The following SGK3 variants were observed in gnomAD, a reference collection of about 807,000 sequenced individuals.
SGK3 encodes the protein serine/threonine-protein kinase Sgk3.
A neutral mutation model predicts 68.5 loss-of-function variants in SGK3; 47 were observed. The ratio of observed to expected loss-of-function variants is 0.69; its 90% CI spans 0.54 to 0.87. The LOEUF is 0.87. Ranked by LOEUF, SGK3 falls within the 40% of genes least tolerant of loss-of-function variation. The pLI is 0.00. For synonymous variants in SGK3, 181 were observed against 189.1 expected, an observed-to-expected ratio of 0.96 and a Z score of 0.35; for missense variants, 479 against 575.5, an observed-to-expected ratio of 0.83 and a Z score of 1.72.
chr8:66,808,257 A>AC (rs1257796535), intron 4 of SGK3, among the ~76,000 whole-genome samples: 1 of 152,200 alleles, frequency 6.6e-6, no homozygotes, highest in Non-Finnish European at 1.5e-5. Context: ...GCCTCTAACA[A>AC]CTGAAAATAA....
At chr8:66,716,713 A>G (rs1042206180) in intron 1 of SGK3, among the ~76,000 whole-genome samples, 2 of 152,192 alleles carry the variant, frequency 1.3e-5, no homozygotes, top group African/African-American at 4.8e-5. Flanking sequence ...TGTGCAGTGC[A>G]GCTGTGCTTC....
chr8:66,772,655 G>A (rs1452601697), intron 1 of SGK3, among the ~76,000 whole-genome samples: 2 of 151,792 alleles, frequency 1.3e-5, no homozygotes, highest in African/African-American at 2.4e-5. Flanking sequence ...CTGCCTCCCG[G>A]GTTCACGCCA....
intron 1 of SGK3, among the ~76,000 whole-genome samples, chr8:66,736,437 C>T (rs1805316898): frequency 6.6e-6 from 1 of 151,852 alleles, no homozygotes; most frequent in Admixed American, 6.6e-5. Flanking sequence ...AGTTGGTGCT[C>T]AATAAATGTC....
intron 1 of SGK3, among the ~76,000 whole-genome samples, chr8:66,789,994 C>T (rs1807370956): frequency 6.6e-6 from 1 of 152,052 alleles, no homozygotes; most frequent in Non-Finnish European, 1.5e-5. Context: ...GAGAGGATTG[C>T]TTGAACCCTG....
intron 3 of SGK3, among the ~76,000 whole-genome samples, chr8:66,803,034 C>T (rs1211374340): frequency 5.9e-5 from 9 of 152,154 alleles, no homozygotes; most frequent in Non-Finnish European, 1.2e-4. Context: ...ATTACCACAT[C>T]TAAAAATAAA....
chr8:66,797,960 A>G (rs1807766697), intron 2 of SGK3, among the ~76,000 whole-genome samples: 1 of 152,144 alleles, frequency 6.6e-6, no homozygotes, highest in Non-Finnish European at 1.5e-5. Context: ...GAAAAATAAA[A>G]TATCACCTAT....
At chr8:66,855,508 C>T (rs1810476318) in intron 16 of SGK3, among the ~76,000 whole-genome samples, 1 of 152,072 alleles carries the variant, frequency 6.6e-6, no homozygotes, top group African/African-American at 2.4e-5. Context: ...CAACCGACTA[C>T]ATAAGATTTT....
At chr8:66,758,903 A>T (rs981245519) in intron 1 of SGK3, among the ~76,000 whole-genome samples, 5 of 152,034 alleles carry the variant, frequency 3.3e-5, no homozygotes, top group African/African-American at 1.2e-4. Context: ...GACATAACAG[A>T]TTTACACCAG....
At chr8:66,780,843 A>G (rs1235020403) in intron 1 of SGK3, among the ~76,000 whole-genome samples, 1 of 152,198 alleles carries the variant, frequency 6.6e-6, no homozygotes, top group Non-Finnish European at 1.5e-5. Context: ...AGTGATAAAA[A>G]TAAATTGGTC....
intron 1 of SGK3, among the ~76,000 whole-genome samples, chr8:66,786,609 T>C (rs1807209068): frequency 6.6e-6 from 1 of 152,222 alleles, no homozygotes. Context: ...TATTGCCTGT[T>C]AGTTGCATAT....
At chr8:66,798,986 A>C (rs1259694301) in intron 3 of SGK3, among the ~76,000 whole-genome samples, 1 of 152,200 alleles carries the variant, frequency 6.6e-6, no homozygotes, top group Admixed American at 6.5e-5. Flanking sequence ...AAAGTCTGTC[A>C]TGAACCTATC....
intron 12 of SGK3, chr8:66,840,665 GT>G: frequency 5.0e-6 from 1 of 200,714 alleles, no homozygotes; most frequent in Admixed American, 5.8e-5. Context: ...TTTGAAAATT[GT>G]TAATTTATTG....
intron 1 of SGK3, among the ~76,000 whole-genome samples, chr8:66,746,948 A>G (rs1389891488): frequency 1.3e-5 from 2 of 152,034 alleles, no homozygotes; most frequent in East Asian, 3.9e-4. Context: ...ACGTTAATGT[A>G]TTTACAAAGA....
At chr8:66,725,959 A>G (rs1804973324) in intron 1 of SGK3, among the ~76,000 whole-genome samples, 1 of 152,124 alleles carries the variant, frequency 6.6e-6, no homozygotes, top group South Asian at 2.1e-4. Flanking sequence ...GATATCTTGT[A>G]TCTTATCATC....
intron 1 of SGK3, among the ~76,000 whole-genome samples, chr8:66,742,386 G>A (rs912478408): frequency 2.0e-5 from 3 of 151,978 alleles, no homozygotes; most frequent in African/African-American, 7.2e-5. Context: ...TTGTTTTTTA[G>A]AGACAGGGTC....
intron 1 of SGK3, among the ~76,000 whole-genome samples, chr8:66,730,790 G>T (rs1047667123): frequency 1.3e-5 from 2 of 151,748 alleles, no homozygotes; most frequent in African/African-American, 4.8e-5. Flanking sequence ...CAATTCTCCT[G>T]CCTCAGCCTC....
intron 4 of SGK3, among the ~76,000 whole-genome samples, chr8:66,811,614 A>G (rs775886415): frequency 1.3e-5 from 2 of 152,238 alleles, no homozygotes; most frequent in Admixed American, 6.5e-5. Context: ...CTGTTTAGTC[A>G]GTAATGAAAT....
intron 1 of SGK3, among the ~76,000 whole-genome samples, chr8:66,738,622 G>T (rs1331618903): frequency 6.7e-6 from 1 of 149,606 alleles, no homozygotes; most frequent in Admixed American, 6.6e-5. Flanking sequence ...ACTGGCTCAA[G>T]ATCCACTTTC....
At chr8:66,802,330 T>G (rs1022925562) in intron 3 of SGK3, among the ~76,000 whole-genome samples, 1 of 152,230 alleles carries the variant, frequency 6.6e-6, no homozygotes, top group Non-Finnish European at 1.5e-5. Context: ...CTCTAGGCAT[T>G]TTAATTGTCA....
Sources: gnomAD v4.1 joint callset for allele counts (sites outside exome capture counted in the v4.1 genomes callset) on GRCh38, gnomAD v4.1.1 for gene constraint, MANE v1.5 for transcripts, NCBI Gene and HGNC (gene_info 2026-07-23, HGNC 2026-07-21) for gene names.